DLC1: variants seen among roughly 807,000 people sequenced by gnomAD.
DLC1 encodes the protein DLC1 Rho GTPase activating protein, also known as rho GTPase-activating protein 7.
Under a neutral mutation model 140.3 loss-of-function variants are expected in DLC1, and 54 were observed. The ratio of observed to expected loss-of-function variants is 0.38; its 90% CI spans 0.31 to 0.48. The LOEUF is 0.48. Ranked by LOEUF, DLC1 falls within the 20% of genes least tolerant of loss-of-function variation. DLC1 has a pLI of 0.96. For missense variants in DLC1, 2,536 were observed against 1,907.0 expected (o/e 1.33, Z -6.14); for synonymous variants, 986 against 728.1 (o/e 1.35, Z -5.70).
intron 5 of DLC1, chr8:13,116,190 T>G: frequency 1.0e-6 from 1 of 985,560 alleles, no homozygotes; most frequent in African/African-American, 1.7e-5. Context: ...CATCAGGTAT[T>G]AATCCAGTAG....
In DLC1 at chr8:13,514,661, A is replaced by C. The variant is rs1802525763; in HGVS notation, c.-185T>G. 1 of 398,540 alleles carries C rather than the reference A, an allele frequency of 2.5e-6. No homozygotes were observed. Among genetic ancestry groups the C allele is most frequent in the African/African-American group, 2.1e-5 (1 of 48,634 alleles). The allele number at this position is 398,540 out of a possible 1,614,324, so 24.7% of individuals were successfully genotyped here. A position where few individuals can be genotyped will look rare whatever the true frequency, so the allele number is the denominator to read the frequency against. ...CACTGCTCAACACTCAGGCTAGGAA[A>C]GAAGTCCGTCCCCGTTAGTTTCTCC... On this transcript the variant is annotated 5_prime_UTR_variant, in exon 1 of 18. Transcript: ENST00000276297.
intron 2 of DLC1, among the ~76,000 whole-genome samples, chr8:13,490,983 A>ATG (rs1193927109): frequency 1.4e-5 from 2 of 147,068 alleles, no homozygotes. Context: ...ATATAAATAT[A>ATG]TATATACACA....
intron 1 of DLC1, among the ~76,000 whole-genome samples, chr8:13,550,062 C>G (rs977105994): frequency 6.6e-6 from 1 of 152,126 alleles, no homozygotes; most frequent in East Asian, 1.9e-4. Context: ...AGGCAACTAT[C>G]CTTACAATAG....
upstream of DLC1, among the ~76,000 whole-genome samples, chr8:13,518,324 G>A (rs577838833): frequency 9.2e-5 from 14 of 152,236 alleles, no homozygotes; most frequent in Non-Finnish European, 1.2e-4. Context: ...GGCCAGGGTG[G>A]TCTTAAACTC....
At chr8:13,556,884 A>G (rs1221169263) in intron 1 of DLC1, among the ~76,000 whole-genome samples, 1 of 152,238 alleles carries the variant, frequency 6.6e-6, no homozygotes, top group Non-Finnish European at 1.5e-5. Flanking sequence ...TGACAGTCTG[A>G]TACTTGCAAG....
chr8:13,229,977 G>A (rs1266174836), intron 5 of DLC1, among the ~76,000 whole-genome samples: 3 of 152,170 alleles, frequency 2.0e-5, no homozygotes, highest in Admixed American at 6.5e-5. Flanking sequence ...TAACACGTTG[G>A]ATAAAAAGAA....
At chr8:13,113,722 T>C (rs1343567924) in intron 6 of DLC1, among the ~76,000 whole-genome samples, 2 of 152,132 alleles carry the variant, frequency 1.3e-5, no homozygotes, top group Non-Finnish European at 1.5e-5. Flanking sequence ...CCAAAGCCCT[T>C]CTAAATGTTA....
intron 8 of DLC1, among the ~76,000 whole-genome samples, chr8:13,102,491 C>G (rs1819179875): frequency 6.6e-6 from 1 of 152,212 alleles, no homozygotes; most frequent in Non-Finnish European, 1.5e-5. Context: ...CAAAAATCCA[C>G]TGGGATTCCT....
intron 5 of DLC1, among the ~76,000 whole-genome samples, chr8:13,204,033 C>A (rs181609323): frequency 2.5e-4 from 38 of 152,200 alleles, no homozygotes; most frequent in Admixed American, 2.1e-3. Flanking sequence ...CATTGTAGTA[C>A]TCACGGTGTG....
At chr8:13,143,850 G>GAGAGAGAGAGAGAGAGACAT (rs1395072506) in intron 5 of DLC1, among the ~76,000 whole-genome samples, 4 of 147,752 alleles carry the variant, frequency 2.7e-5, no homozygotes, top group Admixed American at 6.7e-5. Flanking sequence ...GAGAGAGAGA[G>GAGAGAGAGAGAGAGAGACAT]AGACATAGAC....
intron 1 of DLC1, among the ~76,000 whole-genome samples, chr8:13,540,437 C>T (rs1484379245): frequency 8.6e-5 from 13 of 151,824 alleles, no homozygotes; most frequent in Admixed American, 2.0e-4. Context: ...TTTAATGAAC[C>T]TCTTTAGATA....
intron 2 of DLC1, among the ~76,000 whole-genome samples, chr8:13,404,998 A>T (rs959508404): frequency 2.7e-5 from 4 of 150,710 alleles, no homozygotes; most frequent in African/African-American, 9.8e-5. Flanking sequence ...TGAGAGTGAA[A>T]CTCCATCTCA....
chr8:13,590,077 A>ATCTC (rs11272767), intron 1 of DLC1, among the ~76,000 whole-genome samples: 5 of 145,192 alleles, frequency 3.4e-5, no homozygotes, highest in African/African-American at 1.3e-4. Flanking sequence ...ATATATATAT[A>ATCTC]CAAACACATG....
chr8:13,465,998 G>T (rs1799914955), intron 2 of DLC1, among the ~76,000 whole-genome samples: 1 of 152,094 alleles, frequency 6.6e-6, no homozygotes, highest in African/African-American at 2.4e-5. Context: ...ACCACCTCCT[G>T]GTGACCTCCT....
intron 4 of DLC1, among the ~76,000 whole-genome samples, chr8:13,312,301 C>T (rs1169431050): frequency 9.5e-6 from 1 of 105,306 alleles, no homozygotes; most frequent in Non-Finnish European, 1.8e-5. Context: ...GCGGAGCTTG[C>T]AGTGAGCCGA....
intron 5 of DLC1, among the ~76,000 whole-genome samples, chr8:13,162,688 C>A (rs7012958): frequency 0.011 from 1,644 of 152,188 alleles, 28 homozygotes; most frequent in African/African-American, 0.037. Context: ...GAATGTAATC[C>A]CAGCACTTTG....
intron 2 of DLC1, among the ~76,000 whole-genome samples, chr8:13,496,234 A>G (rs1243806690): frequency 1.3e-5 from 2 of 152,176 alleles, no homozygotes; most frequent in Non-Finnish European, 2.9e-5. Flanking sequence ...ACTCTTGTTA[A>G]TAGTGTGAAA....
chr8:13,248,700 G>A (rs972383905), intron 5 of DLC1, among the ~76,000 whole-genome samples: 1 of 152,090 alleles, frequency 6.6e-6, no homozygotes, highest in Non-Finnish European at 1.5e-5. Flanking sequence ...CCCTGAAAAC[G>A]CATTCTGATC....
In DLC1 at chr8:13,129,457, T is replaced by C. The variant is rs74706993; in HGVS notation, c.1349-13800A>G. ...ATGAAGGAACGTATTTTTTAGTGTC[T>C]TGAATGACGTACAGATTACTCCTTT... On this transcript the variant is annotated intron_variant, in intron 5 of 17. Coordinates refer to ENST00000276297, the MANE Select transcript of DLC1 (RefSeq NM_182643.3). Among the ~76,000 whole-genome samples the C allele has an allele frequency of 4.4e-3, 666 of 152,346 alleles. 2 individuals are homozygous for C. The highest frequency in any genetic ancestry group is 0.015 in the African/African-American group (622 of 41,580).
Sources: allele counts gnomAD v4.1 joint callset (sites outside exome capture counted in the v4.1 genomes callset), GRCh38; gene constraint gnomAD v4.1.1; transcripts MANE v1.5; gene names NCBI Gene and HGNC (gene_info 2026-07-23, HGNC 2026-07-21).